CCDC178: variants seen among roughly 807,000 people sequenced by gnomAD.
CCDC178 encodes coiled-coil domain-containing protein 178.
CCDC178 carries 126 observed loss-of-function variants against 117.4 expected under a neutral mutation model. The ratio of observed to expected loss-of-function variants is 1.07; its 90% confidence interval spans 0.93 to 1.24. CCDC178 has a LOEUF of 1.24. CCDC178 is among the 50% of genes most tolerant of loss of function. CCDC178 has a pLI of 0.00. For missense variants in CCDC178, 1,030 were observed against 986.9 expected (o/e 1.04, Z -0.59); for synonymous variants, 283 against 313.4 (o/e 0.90, Z 1.02).
chr18:33,089,678 G>A (rs545073136), intron 21 of CCDC178, among the ~76,000 whole-genome samples: 1 of 152,310 alleles, frequency 6.6e-6, no homozygotes, highest in South Asian at 2.1e-4. Flanking sequence ...ATATCTGCGT[G>A]CTTGCTTAAC....
chr18:33,257,439 C>T (rs538497628), intron 14 of CCDC178, among the ~76,000 whole-genome samples: 37 of 152,156 alleles, frequency 2.4e-4, no homozygotes, highest in African/African-American at 8.4e-4. Flanking sequence ...TATTTGAAGC[C>T]ACTAAAATTT....
At chr18:33,261,784 G>T (rs67551367) in intron 14 of CCDC178, among the ~76,000 whole-genome samples, 10,246 of 152,082 alleles carry the variant, frequency 0.067, 514 homozygotes, top group African/African-American at 0.14. Flanking sequence ...TACAACTGCA[G>T]TAAGACTTTT....
intron 20 of CCDC178, among the ~76,000 whole-genome samples, chr18:33,178,522 T>C (rs1208978055): frequency 6.6e-6 from 1 of 152,114 alleles, no homozygotes; most frequent in Non-Finnish European, 1.5e-5. Context: ...GTGTATCCAT[T>C]AGCACCTTAA....
At chr18:33,061,431 C>T (rs2056918282) in intron 21 of CCDC178, among the ~76,000 whole-genome samples, 1 of 152,080 alleles carries the variant, frequency 6.6e-6, no homozygotes, top group Non-Finnish European at 1.5e-5. Flanking sequence ...AGCCTAAATA[C>T]TCTACTTGAG....
intron 21 of CCDC178, among the ~76,000 whole-genome samples, chr18:33,044,975 C>A (rs564765634): frequency 3.3e-5 from 5 of 152,144 alleles, no homozygotes; most frequent in Middle Eastern, 6.8e-3. Context: ...TACATATGGA[C>A]ATACAGAGCA....
chr18:33,224,551 C>G (rs2059277912), intron 17 of CCDC178, among the ~76,000 whole-genome samples: 1 of 152,060 alleles, frequency 6.6e-6, no homozygotes, highest in African/African-American at 2.4e-5. Flanking sequence ...CACTTGAAAC[C>G]TGCTTTTCCC....
At chr18:32,962,560 T>C (rs1345284228) in intron 22 of CCDC178, among the ~76,000 whole-genome samples, 1 of 152,128 alleles carries the variant, frequency 6.6e-6, no homozygotes, top group African/African-American at 2.4e-5. Context: ...ATTTTATTCT[T>C]TCAGCAGTTT....
At position 33,035,889 on chromosome 18, in the gene CCDC178, G is replaced by T. The variant is rs1285125022; in HGVS notation, c.2388+56872C>A. Among the ~76,000 whole-genome samples, 5 of 151,800 alleles carry T rather than the reference G, an allele frequency of 3.3e-5. No homozygotes were observed. The East Asian group carries it at 9.7e-4, about 29-fold the overall frequency. Reference sequence around the variant, plus strand: ...AAGCCAAGTCTTTAAAAATAAGAAAGGAAAATATTCTGACTTTTTTTAGTT... The same window carrying T: ...AAGCCAAGTCTTTAAAAATAAGAAATGAAAATATTCTGACTTTTTTTAGTT... On this transcript the variant is annotated intron_variant, in intron 21 of 22. Transcript: ENST00000383096.
chr18:33,248,753 A>G (rs1348370155), intron 14 of CCDC178, among the ~76,000 whole-genome samples: 1 of 152,128 alleles, frequency 6.6e-6, no homozygotes, highest in Non-Finnish European at 1.5e-5. Context: ...TTATAGCAGC[A>G]TGATTTATAA....
chr18:32,995,142 T>C (rs984699217), intron 21 of CCDC178, among the ~76,000 whole-genome samples: 26 of 152,256 alleles, frequency 1.7e-4, no homozygotes, highest in Non-Finnish European at 2.8e-4. Context: ...AATCTACATA[T>C]AGTACTGCAA....
At chr18:33,261,150 C>A (rs1189025144) in intron 14 of CCDC178, among the ~76,000 whole-genome samples, 29 of 152,058 alleles carry the variant, frequency 1.9e-4, no homozygotes, top group Admixed American at 1.9e-3. Flanking sequence ...GTGGCACGAG[C>A]TCGGCTCACT....
intron 21 of CCDC178, among the ~76,000 whole-genome samples, chr18:33,054,997 T>C (rs1244127512): frequency 6.6e-6 from 1 of 152,232 alleles, no homozygotes; most frequent in Non-Finnish European, 1.5e-5. Flanking sequence ...GGTATCTCAT[T>C]GTGGTTTGAA....
intron 21 of CCDC178, among the ~76,000 whole-genome samples, chr18:33,084,782 G>T (rs1223847688): frequency 2.0e-5 from 3 of 151,068 alleles, no homozygotes. Context: ...CTGCACTCCA[G>T]CCTGGGCAAC....
chr18:33,425,024 T>C (rs1011819478), intron 2 of CCDC178, among the ~76,000 whole-genome samples: 7 of 152,100 alleles, frequency 4.6e-5, no homozygotes, highest in African/African-American at 1.7e-4. Flanking sequence ...GACTGATTGA[T>C]AGGGGCAGCC....
intron 12 of CCDC178, among the ~76,000 whole-genome samples, chr18:33,275,909 G>A (rs1405543069): frequency 1.3e-5 from 2 of 151,750 alleles, no homozygotes; most frequent in Non-Finnish European, 2.9e-5. Context: ...TTAAAAGAGT[G>A]CATTAGATTC....
intron 21 of CCDC178, among the ~76,000 whole-genome samples, chr18:33,011,253 C>G (rs1304588352): frequency 2.0e-5 from 3 of 152,126 alleles, no homozygotes; most frequent in Non-Finnish European, 4.4e-5. Context: ...AAAACAGCCA[C>G]AACAGTCCCA....
At chr18:33,439,816 A>G (rs756362937) in intron 2 of CCDC178, 146 bp downstream of exon 2, 1 of 152,268 alleles carries the variant, frequency 6.6e-6, no homozygotes, top group Non-Finnish European at 1.5e-5. Context: ...ACAAATATTT[A>G]TTGAGCAGTG....
intron 12 of CCDC178, among the ~76,000 whole-genome samples, chr18:33,287,844 C>G (rs975291929): frequency 1.3e-5 from 2 of 151,770 alleles, no homozygotes; most frequent in African/African-American, 4.8e-5. Flanking sequence ...TTGAGGAGGG[C>G]CAGCGTATTC....
At chr18:33,308,612 G>C (rs1015899176) in intron 11 of CCDC178, among the ~76,000 whole-genome samples, 4 of 152,146 alleles carry the variant, frequency 2.6e-5, no homozygotes, top group African/African-American at 9.7e-5. Flanking sequence ...GGGGTGGAAT[G>C]ATATGTTTTG....
Sources: gnomAD v4.1 joint callset for allele counts (sites outside exome capture counted in the v4.1 genomes callset) on GRCh38, gnomAD v4.1.1 for gene constraint, MANE v1.5 for transcripts, NCBI Gene and HGNC (gene_info 2026-07-23, HGNC 2026-07-21) for gene names.